The following SIDT2 variants were observed in gnomAD, a reference collection of about 807,000 sequenced individuals.
SIDT2 encodes SID1 transmembrane family member 2.
SIDT2 carries 68 observed loss-of-function variants against 114.4 expected under a neutral mutation model. The ratio of observed to expected loss-of-function variants is 0.59; its 90% CI spans 0.49 to 0.73. The LOEUF (loss-of-function observed/expected upper bound fraction) is 0.73. Among genes scored for constraint, SIDT2 ranks in the 30% least tolerant of loss-of-function variants. The pLI, the probability that SIDT2 is intolerant of heterozygous loss-of-function variation, is 0.00. For synonymous variants in SIDT2, 470 were observed against 438.4 expected, an observed-to-expected ratio of 1.07 and a Z score of -0.90; for missense variants, 918 against 1,097.1, an observed-to-expected ratio of 0.84 and a Z score of 2.31.
chr11:117,194,572 T>C (rs2030822234), intron 24 of SIDT2, among the ~76,000 whole-genome samples: 1 of 152,178 alleles, frequency 6.6e-6, no homozygotes, highest in African/African-American at 2.4e-5. Flanking sequence ...ATTCTGGGAA[T>C]AGAACTAAGT....
Position 117,192,372 on chromosome 11 carries a change from C to T in SIDT2, c.1981+10C>T, listed in dbSNP as rs545239717. 100 of 1,551,264 alleles carry T rather than the reference C, an allele frequency of 6.4e-5. 1 individual carries two copies. In the Admixed American group the frequency reaches 1.2e-3, roughly 19 times the overall value. On this transcript the variant is annotated intron_variant, in intron 20 of 25. Coordinates refer to ENST00000324225, the MANE Select transcript of SIDT2 (RefSeq NM_001040455.2). The surrounding 1 kb of genome is among the most constrained non-coding windows in gnomAD (Gnocchi z 5.9). ...GGCCGGTGGAAACTGGGTAAGGGCA[C>T]GCCCGGGGCAGGGCCTGGGGGAGGG...
intron 10 of SIDT2, 113 bp from the exon 11 acceptor site, chr11:117,187,265 C>A (rs954788968): frequency 9.0e-7 from 1 of 1,106,434 alleles, no homozygotes; most frequent in South Asian, 1.3e-5. Flanking sequence ...TGCTTCTCGT[C>A]TGCTGGCATG....
At chr11:117,193,128 C>A in intron 22 of SIDT2, 25 bp from the exon 23 acceptor site, 1 of 1,611,192 alleles carries the variant, frequency 6.2e-7, no homozygotes, top group Non-Finnish European at 8.5e-7. Flanking sequence ...CTTCCTGCTT[C>A]ACCACCCTTC....
rs1479113900 is a variant in SIDT2 at position 117,186,670 on chromosome 11, G to A, written c.1015+34G>A. 6.5e-6 allele frequency: 10 copies of A among 1,529,942 alleles called. 1 individual carries two copies. The Admixed American group carries it at 1.3e-4, about 20-fold the overall frequency. The allele number at this position is 1,529,942 out of a possible 1,614,324, so 94.8% of individuals were successfully genotyped here. A position where few individuals can be genotyped will look rare whatever the true frequency, so the allele number is the denominator to read the frequency against. On this transcript the variant is annotated intron_variant, in intron 10 of 25. Transcript: ENST00000324225. ...AGGGGGCCTGGGTGGGGCGGGCACA[G>A]TGTGCTTTGTGTTTTGGGGGGTGGT...
At position 117,190,417 on chromosome 11, in the gene SIDT2, G is replaced by A; in HGVS notation, c.1617+128G>A. The A allele has an allele frequency of 7.0e-7, 1 of 1,428,464 alleles. No individual in the cohort carries two copies. Among genetic ancestry groups the A allele is most frequent in the Non-Finnish European group, 9.3e-7 (1 of 1,079,336 alleles). 88.5% of individuals were successfully genotyped at this position (1,428,464 alleles called of 1,614,324 possible). A position where few individuals can be genotyped will look rare whatever the true frequency, so the allele number is the denominator to read the frequency against. ...AGCTCTCCCCTCCCCAGTTCTGTCT[G>A]GCCCACCCTATCCAGCCCAGCCTGC... On this transcript the variant is annotated intron_variant, in intron 17 of 25. Transcript: ENST00000324225. This position sits in a 1 kb window ranked among gnomAD's most constrained non-coding sequence, Gnocchi z 4.1.
At chr11:117,187,104 C>G (rs2030525648) in intron 10 of SIDT2, 1 of 1,405,134 alleles carries the variant, frequency 7.1e-7, no homozygotes, top group East Asian at 2.8e-5. Flanking sequence ...CCAGTGTTGT[C>G]TTTGTTGCTG....
rs1382705371 is a variant in SIDT2 at position 117,181,990 on chromosome 11, G to A, written c.470+19G>A. 4 of 1,614,110 alleles carry A rather than the reference G, an allele frequency of 2.5e-6. No individual in the cohort carries two copies. The African/African-American group carries it at 4.0e-5, about 16-fold the overall frequency. On this transcript the variant is annotated intron_variant, in intron 3 of 25. Transcript: ENST00000324225. The stretch of plus-strand genomic sequence containing the variant: ...TGCTCAGGTCTGCAGGGTAGAGTGA[G>A]GGGACCACGGGGGCTGGTTCTTCCC...
intron 6 of SIDT2, 89 bp from the exon 7 acceptor site, chr11:117,183,690 T>A: frequency 1.0e-6 from 1 of 974,894 alleles, no homozygotes; most frequent in South Asian, 1.4e-5. Flanking sequence ...TATGAAGAAT[T>A]TAGCATAATG....
chr11:117,186,749 T>C lies in SIDT2; in HGVS notation c.1015+113T>C, dbSNP rs769516186. The stretch of plus-strand genomic sequence containing the variant: ...AGGAAGGGCTGGGGGTTTCTGGATG[T>C]TCAGATGGGGGTAACACTCCACAGA... On this transcript the variant is annotated intron_variant, in intron 10 of 25. Coordinates refer to ENST00000324225, the MANE Select transcript of SIDT2 (RefSeq NM_001040455.2). The C allele has an allele frequency of 1.5e-4, 149 of 978,682 alleles. 2 individuals carry two copies. Among genetic ancestry groups the C allele is most frequent in the Non-Finnish European group, 9.5e-5 (65 of 681,360 alleles). The allele number at this position is 978,682 out of a possible 1,614,324, so 60.6% of individuals were successfully genotyped here.
rs770120198 is a variant in SIDT2 at position 117,192,264 on chromosome 11, A to G, written c.1883A>G (p.Lys628Arg). 2 of 1,609,190 alleles carry G rather than the reference A, an allele frequency of 1.2e-6. No homozygotes were observed. The highest frequency in any genetic ancestry group is 1.7e-6 in the Non-Finnish European group (2 of 1,175,652). ...FFSVLGVVFG[K>R]GNTAFWIVFS... ...GTGGCCTCCCGACAGGTCTTTGGCA[A>G]AGGGAACACGGCGTTCTGGATCGTC... Residue 628 changes from lysine (K) to arginine (R), a missense_variant, in exon 20 of 26, where the codon AAA (lysine) becomes AGA (arginine). By Grantham distance (26) the Lys-to-Arg change is conservative. Around this residue, in one of 4 missense-constraint regions of SIDT2, gnomAD observed 275 missense variants for 397.6 expected, o/e 0.69. Transcript: ENST00000324225. The surrounding 1 kb of genome is among the most constrained non-coding windows in gnomAD (Gnocchi z 5.9).
At chr11:117,183,932 T>C in intron 7 of SIDT2, 54 bp downstream of exon 7, 1 of 1,532,868 alleles carries the variant, frequency 6.5e-7, no homozygotes, top group Non-Finnish European at 9.0e-7. Flanking sequence ...GGTCACTTTC[T>C]GGGAGCAAGA....
chr11:117,180,399 A>G (rs1291737157), intron 1 of SIDT2, among the ~76,000 whole-genome samples: 1 of 151,832 alleles, frequency 6.6e-6, no homozygotes, highest in Non-Finnish European at 1.5e-5. Flanking sequence ...CTTTTGGGAA[A>G]TGCTGCCCTA....
chr11:117,183,379 C>T (rs2030372332), intron 6 of SIDT2, among the ~76,000 whole-genome samples: 1 of 148,664 alleles, frequency 6.7e-6, no homozygotes, highest in Admixed American at 6.7e-5. Context: ...TGGCTCACGC[C>T]TGTAATCCCA....
At chr11:117,179,505 A>C in intron 1 of SIDT2, 59 bp downstream of exon 1, 1 of 1,546,984 alleles carries the variant, frequency 6.5e-7, no homozygotes, top group Non-Finnish European at 8.8e-7. Context: ...GGGCTAGGCG[A>C]TTCTGCCGCC....
In SIDT2 at chr11:117,181,610, C is replaced by G. The variant is rs556561469; in HGVS notation, c.305+73C>G. Reference sequence around the variant, plus strand: ...CTTGGCTGGAGCCTCAACCAGGAGCCCCCCCATTTCTCCTCCCCTTTCCCT... The same window carrying G: ...CTTGGCTGGAGCCTCAACCAGGAGCGCCCCCATTTCTCCTCCCCTTTCCCT... On this transcript the variant is annotated intron_variant, in intron 2 of 25. Coordinates refer to ENST00000324225, the MANE Select transcript of SIDT2 (RefSeq NM_001040455.2). 9 of 1,603,108 alleles carry G rather than the reference C, an allele frequency of 5.6e-6. No homozygotes were observed. The South Asian group carries it at 7.7e-5, about 14-fold the overall frequency.
At chr11:117,187,782 C>G in intron 12 of SIDT2, 83 bp downstream of exon 12, 2 of 1,322,576 alleles carry the variant, frequency 1.5e-6, no homozygotes, top group Non-Finnish European at 2.2e-6. Context: ...GTTGCCTCTT[C>G]TGCCAGATGC....
chr11:117,188,120 T>A lies in SIDT2; in HGVS notation c.1159+421T>A. ...GAGATAGCAGCAGAGCACAGGCTCC[T>A]TTGGCTGGCGGGCTGGCGCCTCCGC... On this transcript the variant is annotated intron_variant, in intron 12 of 25. Transcript: ENST00000324225. The surrounding 1 kb of genome is among the most constrained non-coding windows in gnomAD (Gnocchi z 4.0). 2.6e-6 allele frequency: 1 copy of A among 389,040 alleles called. No individual in the cohort carries two copies. The highest frequency in any genetic ancestry group is 5.0e-6 in the Non-Finnish European group (1 of 199,540). The allele number at this position is 389,040 out of a possible 1,614,324, so 24.1% of individuals were successfully genotyped here.
chr11:117,192,577 C>G lies in SIDT2; in HGVS notation c.1985C>G (p.Ser662Trp), dbSNP rs758627899. Residue 662 changes from serine (S) to tryptophan (W), a missense_variant, in exon 21 of 26, where the codon TCG (serine) becomes TGG (tryptophan). Ser to Trp is a radical substitution (Grantham distance 177). This residue lies in a region of SIDT2 where 275 missense variants were observed against 397.6 expected (regional missense o/e 0.69). Transcript: ENST00000324225. The surrounding 1 kb of genome is among the most constrained non-coding windows in gnomAD (Gnocchi z 5.9). ...CACCACTCCCTTCTCTTCGCAGACT[C>G]GGGGATCTTCCGCCGCATCCTCCAC... ...LYYMGRWKLD[S>W]GIFRRILHVL... 2.5e-6 allele frequency: 4 copies of G among 1,608,966 alleles called. No individual in the cohort carries two copies. The Admixed American group carries it at 5.0e-5, about 20-fold the overall frequency.
rs2030551998 is a variant in SIDT2, at chr11:117,187,707, G to T, written c.1159+8G>T. 1 of 1,613,652 alleles carries T rather than the reference G, an allele frequency of 6.2e-7. No homozygotes were observed. Among genetic ancestry groups the T allele is most frequent in the East Asian group, 2.2e-5 (1 of 44,858 alleles). On this transcript the variant is annotated splice_region_variant and intron_variant, in intron 12 of 25. Coordinates refer to ENST00000324225, the MANE Select transcript of SIDT2 (RefSeq NM_001040455.2). Reference sequence around the variant, plus strand: ...TCTCTTACGGTTACCAGGGTGAGTGGGCCAGGCTGGGAGGGGCGGTGTGGT... The same window carrying T: ...TCTCTTACGGTTACCAGGGTGAGTGTGCCAGGCTGGGAGGGGCGGTGTGGT...
Sources: gnomAD v4.1 joint callset for allele counts (sites outside exome capture counted in the v4.1 genomes callset) on GRCh38, gnomAD v4.1.1 for gene constraint, gnomAD v4.1.1 regional missense constraint, Gnocchi (gnomAD v3.1) non-coding constraint, MANE v1.5 for transcripts, NCBI Gene and HGNC (gene_info 2026-07-23, HGNC 2026-07-21) for gene names.